LRRTM1: variants seen among roughly 807,000 people sequenced by gnomAD.
The protein encoded by LRRTM1 is leucine-rich repeat transmembrane neuronal protein 1.
Under a neutral mutation model 37.3 loss-of-function variants are expected in LRRTM1, and 8 were observed. That is an observed-to-expected ratio of 0.21 (90% CI 0.13 to 0.39). The LOEUF is 0.39. Ranked by LOEUF, LRRTM1 falls within the 10% of genes least tolerant of loss-of-function variation. The pLI is 1.00. For missense variants in LRRTM1, 557 were observed against 691.0 expected (o/e 0.81, Z 2.17); for synonymous variants, 326 against 316.8 (o/e 1.03, Z -0.31).
chr2:80,300,231 A>C (rs1676124718), downstream of LRRTM1, among the ~76,000 whole-genome samples: 1 of 151,722 alleles, frequency 6.6e-6, no homozygotes, highest in Non-Finnish European at 1.5e-5. Context: ...TTAATTATAA[A>C]TAAAGCAAGA....
chr2:80,293,695 G>C (rs13005455), intron 2 of LRRTM1, among the ~76,000 whole-genome samples: 1 of 152,062 alleles, frequency 6.6e-6, no homozygotes, highest in Non-Finnish European at 1.5e-5. Context: ...CCCCGGAGTA[G>C]AATTATCACC....
In LRRTM1 at chr2:80,303,361, C is replaced by A; in HGVS notation, c.459G>T (p.Ala153=). 1.9e-6 allele frequency: 3 copies of A among 1,614,074 alleles called. No individual in the cohort carries two copies. Among genetic ancestry groups the A allele is most frequent in the Non-Finnish European group, 1.7e-6 (2 of 1,180,044 alleles). The change falls in exon 2 of 2, where the codon GCG becomes GCT. Residue 153 remains alanine (A), a synonymous_variant. Transcript: ENST00000295057. The surrounding 1 kb of genome is among the most constrained non-coding windows in gnomAD (Gnocchi z 7.7). ...TCCGCAGCCCGTGGAAGAGGTCGGG[C>A]GCGAGCGCCTGCAGCTTGTTGTACG... ...DLSYNKLQAL[A]PDLFHGLRKL... is the part of the protein sequence containing the mutation.
intron 2 of LRRTM1, among the ~76,000 whole-genome samples, chr2:80,291,608 T>A (rs1275095937): frequency 6.6e-6 from 1 of 152,228 alleles, no homozygotes; most frequent in Non-Finnish European, 1.5e-5. Context: ...GTATGCTTAG[T>A]GTCCCAGGGG....
intron 2 of LRRTM1, among the ~76,000 whole-genome samples, chr2:80,295,354 A>G (rs977710): frequency 0.57 from 86,613 of 151,696 alleles, 25,711 homozygotes; most frequent in African/African-American, 0.75. Context: ...CTAAAAACCC[A>G]ATTCTCCCAC....
At position 80,304,650 on chromosome 2, in the gene LRRTM1, C is replaced by T; in HGVS notation, c.-558G>A. ...GCGGGCGGCGGGCGGTGGGGAGGTG[C>T]GGACGGCGGCGCGGGGAGCGGCGAG... On this transcript the variant is annotated 5_prime_UTR_variant, in exon 1 of 2. Coordinates refer to ENST00000295057, the MANE Select transcript of LRRTM1 (RefSeq NM_178839.5). 1 of 152,950 alleles carries T rather than the reference C, an allele frequency of 6.5e-6. No individual in the cohort carries two copies. The highest frequency in any genetic ancestry group is 1.5e-5 in the Non-Finnish European group (1 of 68,488). 9.5% of individuals were successfully genotyped at this position (152,950 alleles called of 1,614,324 possible).
intron 2 of LRRTM1, among the ~76,000 whole-genome samples, chr2:80,292,405 T>C (rs1395189023): frequency 6.6e-6 from 1 of 152,148 alleles, no homozygotes; most frequent in African/African-American, 2.4e-5. Flanking sequence ...TAAGTGACCT[T>C]GGGCAAGTTG....
Position 80,301,929 on chromosome 2 carries a change from A to T in LRRTM1, c.*322T>A, listed in dbSNP as rs1400475766. On this transcript the variant is annotated 3_prime_UTR_variant, in exon 2 of 2. Coordinates refer to ENST00000295057, the MANE Select transcript of LRRTM1 (RefSeq NM_178839.5). Reference sequence around the variant, plus strand: ...CATTTTAGTTTACAAAAAAAAAAAAAATCAATGATTGGTACCTTTTTTACA... The same window carrying T: ...CATTTTAGTTTACAAAAAAAAAAAATATCAATGATTGGTACCTTTTTTACA... 1.3e-5 allele frequency: 3 copies of T among 224,174 alleles called. No individual in the cohort carries two copies. The highest frequency in any genetic ancestry group is 6.8e-5 in the African/African-American group (3 of 44,002). The allele number at this position is 224,174 out of a possible 1,614,324, so 13.9% of individuals were successfully genotyped here.
chr2:80,296,728 G>A (rs1289594319), intron 2 of LRRTM1, among the ~76,000 whole-genome samples: 1 of 152,094 alleles, frequency 6.6e-6, no homozygotes, highest in Non-Finnish European at 1.5e-5. Context: ...TGACATTTTA[G>A]GTCAAATAAT....
chr2:80,302,193 C>G lies in LRRTM1; in HGVS notation c.*58G>C, dbSNP rs1282699300. 6.4e-7 allele frequency: 1 copy of G among 1,565,138 alleles called. No individual in the cohort carries two copies. Among genetic ancestry groups the G allele is most frequent in the Non-Finnish European group, 8.7e-7 (1 of 1,155,328 alleles). ...GAGACCCCAGCCTGGTGCCCGCCGG[C>G]CCGTCCCGGCTGCCCAGGCGTATTT... is the stretch of plus-strand genomic sequence containing the variant. On this transcript the variant is annotated 3_prime_UTR_variant, in exon 2 of 2. Transcript: ENST00000295057. This position sits in a 1 kb window ranked among gnomAD's most constrained non-coding sequence, Gnocchi z 6.4.
chr2:80,303,783 G>A lies in LRRTM1; in HGVS notation c.37C>T (p.Leu13=). The A allele has an allele frequency of 6.4e-7, 1 of 1,558,426 alleles. No individual in the cohort carries two copies. The highest frequency in any genetic ancestry group is 8.7e-7 in the Non-Finnish European group (1 of 1,153,770). ...ACCACCCCCGAGGGCCTCCTCAGCA[G>A]CCAGTATAGACAGAGACCGAGCAGC... is the stretch of plus-strand genomic sequence containing the variant. ...FLLLGLCLYW[L]LRRPSGVVLC... The change falls in exon 2 of 2, where the codon CTG becomes TTG. Residue 13 remains leucine, a synonymous_variant. Coordinates refer to ENST00000295057, the MANE Select transcript of LRRTM1 (RefSeq NM_178839.5). The surrounding 1 kb of genome is among the most constrained non-coding windows in gnomAD (Gnocchi z 7.7).
rs964897625 is a variant in LRRTM1 at position 80,302,707 on chromosome 2, G to T, written c.1113C>A (p.Ser371Arg). The change falls in exon 2 of 2, where the codon AGC becomes AGA. Residue 371 changes from serine (S) to arginine (R), a missense_variant. By Grantham distance (110) the Ser-to-Arg change is moderately radical. Around this residue, in one of 5 missense-constraint regions of LRRTM1, gnomAD observed 89 missense variants for 80.7 expected, o/e 1.10. Coordinates refer to ENST00000295057, the MANE Select transcript of LRRTM1 (RefSeq NM_178839.5). The surrounding 1 kb of genome is among the most constrained non-coding windows in gnomAD (Gnocchi z 6.4). The stretch of plus-strand genomic sequence containing the variant: ...TGGTGACGGCCGAGAGCAGGTGGCC[G>T]CTGGTGGGCTCGGCCCCATCCTCGC... ...HLCEDGAEPT[S>R]GHLLSAVTNR... 5 of 1,612,688 alleles carry T rather than the reference G, an allele frequency of 3.1e-6. No individual in the cohort carries two copies. The highest frequency in any genetic ancestry group is 3.4e-6 in the Non-Finnish European group (4 of 1,179,770).
intron 2 of LRRTM1, among the ~76,000 whole-genome samples, chr2:80,292,182 C>T (rs908261139): frequency 1.3e-5 from 2 of 152,176 alleles, no homozygotes; most frequent in Admixed American, 6.5e-5. Flanking sequence ...AAACACTTAT[C>T]TAGTACTTGC....
chr2:80,292,568 T>A (rs756366256), intron 2 of LRRTM1, among the ~76,000 whole-genome samples: 18 of 152,192 alleles, frequency 1.2e-4, no homozygotes, highest in Non-Finnish European at 1.9e-4. Context: ...AAATATATGA[T>A]TAACACTCCT....
chr2:80,289,790 G>A (rs934176888), intron 2 of LRRTM1, among the ~76,000 whole-genome samples: 2 of 152,130 alleles, frequency 1.3e-5, no homozygotes, highest in Non-Finnish European at 2.9e-5. Context: ...ATACGGTAGG[G>A]AAAAAAGTCA....
Position 80,302,697 on chromosome 2 carries a change from G to A in LRRTM1, c.1123C>T (p.Leu375Phe), listed in dbSNP as rs1477743772. The A allele has an allele frequency of 1.2e-6, 2 of 1,612,638 alleles. No homozygotes were observed. The highest frequency in any genetic ancestry group is 2.2e-5 in the East Asian group (1 of 44,854). ...TCACTGCGGTTGGTGACGGCCGAGA[G>A]CAGGTGGCCGCTGGTGGGCTCGGCC... ...DGAEPTSGHL[L>F]SAVTNRSDLG... The change falls in exon 2 of 2, where the codon CTC (leucine) becomes TTC (phenylalanine). Residue 375 changes from leucine (L) to phenylalanine (F), a missense_variant. Around this residue, in one of 5 missense-constraint regions of LRRTM1, gnomAD observed 89 missense variants for 80.7 expected, o/e 1.10. Transcript: ENST00000295057. This position sits in a 1 kb window ranked among gnomAD's most constrained non-coding sequence, Gnocchi z 6.4.
Position 80,303,226 on chromosome 2 carries a change from C to G in LRRTM1, c.594G>C (p.Lys198Asn). The part of the protein sequence containing the change: ...KFLDIGYNQL[K>N]SLARNSFAGL... ...CGGCGAAAGAGTTGCGCGCCAGACT[C>G]TTGAGCTGATTGTATCCGATGTCGA... The change falls in exon 2 of 2, where the codon AAG (lysine) becomes AAC (asparagine). Residue 198 changes from lysine to asparagine, a missense_variant. Physicochemically the swap from Lys to Asn is moderately conservative, Grantham distance 94 (BLOSUM62 0). Transcript: ENST00000295057. The surrounding 1 kb of genome is among the most constrained non-coding windows in gnomAD (Gnocchi z 7.7). 1 of 1,613,848 alleles carries G rather than the reference C, an allele frequency of 6.2e-7. No individual in the cohort carries two copies. Among genetic ancestry groups the G allele is most frequent in the South Asian group, 1.1e-5 (1 of 91,082 alleles).
At chr2:80,299,109 G>C (rs985618677), downstream of LRRTM1, 1 of 152,106 alleles carries the variant, frequency 6.6e-6, no homozygotes. Context: ...TGCCCAGGAC[G>C]AGACGTGAAT....
In LRRTM1 at chr2:80,303,110, G is replaced by A. The variant is rs1161254795; in HGVS notation, c.710C>T (p.Ser237Leu). The A allele has an allele frequency of 1.2e-6, 2 of 1,614,098 alleles. No homozygotes were observed. The highest frequency in any genetic ancestry group is 4.5e-5 in the East Asian group (2 of 44,862). The change falls in exon 2 of 2, where the codon TCG (serine) becomes TTG (leucine). Residue 237 changes from serine (S) to leucine (L), a missense_variant. Coordinates refer to ENST00000295057, the MANE Select transcript of LRRTM1 (RefSeq NM_178839.5). The surrounding 1 kb of genome is among the most constrained non-coding windows in gnomAD (Gnocchi z 7.7). ...AHFPRLISLH[S>L]LCLRRNKVAI... is the part of the protein sequence containing the mutation. The stretch of plus-strand genomic sequence containing the variant: ...CACCTTGTTCCTCCGCAGGCAGAGC[G>A]AGTGCAGGGAGATGAGGCGCGGGAA...
downstream of LRRTM1, chr2:80,298,122 T>C (rs1018750558): frequency 4.0e-5 from 6 of 151,608 alleles, no homozygotes. Context: ...GAGGTAGGAG[T>C]GTGTGTGTAT....
Sources: allele counts gnomAD v4.1 joint callset (sites outside exome capture counted in the v4.1 genomes callset), GRCh38; gene constraint gnomAD v4.1.1; regional missense constraint gnomAD v4.1.1; non-coding constraint Gnocchi (gnomAD v3.1); transcripts MANE v1.5; gene names NCBI Gene and HGNC (gene_info 2026-07-23, HGNC 2026-07-21).